Variants in MYL2 observed in about 807,000 individuals in gnomAD.
MYL2 encodes myosin regulatory light chain 2, ventricular/cardiac muscle isoform.
Under a neutral mutation model 23.0 loss-of-function variants are expected in MYL2, and 19 were observed. The ratio of observed to expected loss-of-function variants is 0.83; its 90% CI spans 0.58 to 1.21. The LOEUF (loss-of-function observed/expected upper bound fraction) is 1.21, where lower values mean the gene tolerates loss of function less well. Ranked by LOEUF, MYL2 falls within the 50% of genes most tolerant of loss-of-function variation. The pLI is 0.00. For missense variants in MYL2, 180 were observed against 215.1 expected (o/e 0.84, Z 1.02); for synonymous variants, 78 against 76.2 (o/e 1.02, Z -0.13).
At chr12:110,914,420 G>A in intron 3 of MYL2, 130 bp from the exon 4 acceptor site, 1 of 724,014 alleles carries the variant, frequency 1.4e-6, no homozygotes, top group Non-Finnish European at 2.5e-6. Flanking sequence ...GGTGGATGGA[G>A]GCAAAGATCT....
At chr12:110,911,196 G>A (rs767113293) in intron 6 of MYL2, 21 bp from the exon 7 acceptor site, 4 of 1,508,502 alleles carry the variant, frequency 2.7e-6, no homozygotes, top group South Asian at 1.1e-5. Context: ...CCAGCAACAC[G>A]TGCTAAGGAC....
intron 1 of MYL2, among the ~76,000 whole-genome samples, chr12:110,920,267 C>T (rs1205069584): frequency 1.3e-5 from 2 of 152,076 alleles, no homozygotes; most frequent in African/African-American, 4.8e-5. Context: ...ATTGATTCCT[C>T]GAGAGGTCAG....
In MYL2 at chr12:110,918,911, C is replaced by A. The variant is rs2071702466; in HGVS notation, c.93+193G>T. 2 of 593,080 alleles carry A rather than the reference C, an allele frequency of 3.4e-6. No homozygotes were observed. Among genetic ancestry groups the A allele is most frequent in the African/African-American group, 3.8e-5 (2 of 52,178 alleles). The allele number at this position is 593,080 out of a possible 1,614,324, so 36.7% of individuals were successfully genotyped here. On this transcript the variant is annotated intron_variant, in intron 2 of 6. Transcript: ENST00000228841. This position sits in a 1 kb window ranked among gnomAD's most constrained non-coding sequence, Gnocchi z 4.4. Reference sequence around the variant, plus strand: ...ATTTTTCAACATGGAATATGTTTTACTTTGATAATCAGTGAAAATATTAAA... The same window carrying A: ...ATTTTTCAACATGGAATATGTTTTAATTTGATAATCAGTGAAAATATTAAA...
At chr12:110,920,669 G>A, upstream of MYL2, 5 of 1,290,538 alleles carry the variant, frequency 3.9e-6, no homozygotes, top group Non-Finnish European at 5.6e-6. Flanking sequence ...GGTGAGGCGG[G>A]CACCACCTAA....
At position 110,914,189 on chromosome 12, in the gene MYL2, T is replaced by G; in HGVS notation, c.271A>C (p.Lys91Gln). Residue 91 changes from lysine (K) to glutamine (Q), a missense_variant, in exon 4 of 7, where the codon AAG becomes CAG. Transcript: ENST00000228841. ...VFLTMFGEKL[K>Q]GADPEETILN... ...ACACACACACACACGACCTTACCCT[T>G]AAGTTTCTCCCCAAACATTGTGAGG... The G allele has an allele frequency of 6.2e-7, 1 of 1,611,496 alleles. No homozygotes were observed. The highest frequency in any genetic ancestry group is 8.5e-7 in the Non-Finnish European group (1 of 1,177,776).
chr12:110,920,463 G>A (rs181209148), intron 1 of MYL2, 64 bp downstream of exon 1: 29 of 1,612,834 alleles, frequency 1.8e-5, no homozygotes, highest in Middle Eastern at 1.7e-4. Context: ...GTGGTCCCTC[G>A]CTTGTAGTGG....
At chr12:110,917,378 G>T (rs1383615210) in intron 2 of MYL2, among the ~76,000 whole-genome samples, 1 of 151,588 alleles carries the variant, frequency 6.6e-6, no homozygotes, top group Non-Finnish European at 1.5e-5. Flanking sequence ...GGGATCACTT[G>T]AGGCCAGGAG....
Position 110,910,893 on chromosome 12 carries a change from C to T in MYL2, c.*184G>A. The T allele has an allele frequency of 1.6e-6, 1 of 642,428 alleles. No homozygotes were observed. The highest frequency in any genetic ancestry group is 2.8e-5 in the East Asian group (1 of 36,042). The allele number at this position is 642,428 out of a possible 1,614,324, so 39.8% of individuals were successfully genotyped here. ...ACATGGCCTCTGGATGGATTTCCAA[C>T]TGTAGGATGTGCGGCCACGAAGTAC... On this transcript the variant is annotated 3_prime_UTR_variant, in exon 7 of 7. Coordinates refer to ENST00000228841, the MANE Select transcript of MYL2 (RefSeq NM_000432.4).
rs1440682502 is a variant in MYL2, at chr12:110,911,183, G to A, written c.403-8C>T. 2.0e-6 allele frequency: 3 copies of A among 1,484,232 alleles called. No homozygotes were observed. Among genetic ancestry groups the A allele is most frequent in the Non-Finnish European group, 2.7e-6 (3 of 1,098,838 alleles). 91.9% of individuals were successfully genotyped at this position (1,484,232 alleles called of 1,614,324 possible). On this transcript the variant is annotated splice_polypyrimidine_tract_variant and splice_region_variant and intron_variant, in intron 6 of 6. Transcript: ENST00000228841. Reference sequence around the variant, plus strand: ...GGCGAACATCTGGTCAACCTGCAATGAGCCAGCAACACGTGCTAAGGACGA... The same window carrying A: ...GGCGAACATCTGGTCAACCTGCAATAAGCCAGCAACACGTGCTAAGGACGA...
chr12:110,916,204 C>T (rs1213754339), intron 2 of MYL2, among the ~76,000 whole-genome samples: 2 of 152,130 alleles, frequency 1.3e-5, no homozygotes, highest in African/African-American at 2.4e-5. Context: ...GGCGTGGTGG[C>T]GCATGCCTGT....
intron 2 of MYL2, among the ~76,000 whole-genome samples, chr12:110,916,871 A>C (rs2136775259): frequency 6.6e-6 from 1 of 151,398 alleles, no homozygotes; most frequent in East Asian, 2.0e-4. Context: ...ATTTTTGAGA[A>C]AGAGTCTTGC....
Position 110,920,522 on chromosome 12 carries a change from C to T in MYL2, c.3+5G>A. On this transcript the variant is annotated splice_donor_5th_base_variant and intron_variant, in intron 1 of 6. Coordinates refer to ENST00000228841, the MANE Select transcript of MYL2 (RefSeq NM_000432.4). ...ATCATCACCTCCTGGAGCCCTTGTA[C>T]TCACCATGGTGGAAAGGACCCAGCA... 6.2e-7 allele frequency: 1 copy of T among 1,614,184 alleles called. No homozygotes were observed. The highest frequency in any genetic ancestry group is 1.3e-5 in the African/African-American group (1 of 75,042).
chr12:110,918,864 C>T lies in MYL2; in HGVS notation c.93+240G>A. On this transcript the variant is annotated intron_variant, in intron 2 of 6. Transcript: ENST00000228841. This position sits in a 1 kb window ranked among gnomAD's most constrained non-coding sequence, Gnocchi z 4.4. ...GGTAGTTTTTATTTCCTTTTCTGTG[C>T]TTTTCTGAAAAATTTTCCAACATTT... 3 of 529,472 alleles carry T rather than the reference C, an allele frequency of 5.7e-6. No homozygotes were observed. In the South Asian group the frequency reaches 6.8e-5, roughly 12 times the overall value. The allele number at this position is 529,472 out of a possible 1,614,324, so 32.8% of individuals were successfully genotyped here.
intron 2 of MYL2, 68 bp from the exon 3 acceptor site, chr12:110,915,858 C>A: frequency 3.0e-6 from 4 of 1,334,224 alleles, no homozygotes; most frequent in Non-Finnish European, 4.3e-6. Flanking sequence ...GAGATTGGGC[C>A]AAGGACTTGG....
chr12:110,914,176 A>G lies in MYL2; in HGVS notation c.274+10T>C. The G allele has an allele frequency of 6.3e-7, 1 of 1,596,224 alleles. No homozygotes were observed. The highest frequency in any genetic ancestry group is 8.6e-7 in the Non-Finnish European group (1 of 1,163,888). On this transcript the variant is annotated intron_variant, in intron 4 of 6. Transcript: ENST00000228841. ...TACACACAGACACACACACACACAC[A>G]CGACCTTACCCTTAAGTTTCTCCCC...
chr12:110,914,489 C>CCTAA (rs1206620555), intron 3 of MYL2, among the ~76,000 whole-genome samples, 199 bp from the exon 4 acceptor site: 1 of 152,024 alleles, frequency 6.6e-6, no homozygotes, highest in Non-Finnish European at 1.5e-5. Flanking sequence ...TGGAAGCGAC[C>CCTAA]CTAACATCTG....
chr12:110,917,338 T>C (rs2071693580), intron 2 of MYL2, among the ~76,000 whole-genome samples: 1 of 151,966 alleles, frequency 6.6e-6, no homozygotes, highest in South Asian at 2.1e-4. Flanking sequence ...CTCACGCCTG[T>C]AATCCCAGCA....
At chr12:110,920,472 G>A (rs2071715329) in intron 1 of MYL2, 55 bp downstream of exon 1, 2 of 1,613,652 alleles carry the variant, frequency 1.2e-6, no homozygotes, top group Non-Finnish European at 1.7e-6. Context: ...CGCTTGTAGT[G>A]GCTTCCTCTC....
intron 2 of MYL2, 66 bp downstream of exon 2, chr12:110,919,038 A>G: frequency 6.8e-7 from 1 of 1,480,348 alleles, no homozygotes; most frequent in Non-Finnish European, 9.4e-7. Context: ...AATATGGAAC[A>G]AAAAGAAGGT....
Sources: gnomAD v4.1 joint callset for allele counts (sites outside exome capture counted in the v4.1 genomes callset) on GRCh38, gnomAD v4.1.1 for gene constraint, Gnocchi (gnomAD v3.1) non-coding constraint, MANE v1.5 for transcripts, NCBI Gene and HGNC (gene_info 2026-07-23, HGNC 2026-07-21) for gene names.